The following TEK variants were observed in gnomAD, a reference collection of about 807,000 sequenced individuals.
TEK encodes the protein TEK receptor tyrosine kinase.
In TEK, 43 loss-of-function variants were observed where a neutral mutation model predicts 131.8. The ratio of observed to expected loss-of-function variants is 0.33; its 90% CI spans 0.26 to 0.42. The LOEUF (loss-of-function observed/expected upper bound fraction) is 0.42, where lower values mean the gene tolerates loss of function less well. Among genes scored for constraint, TEK ranks in the 10% least tolerant of loss-of-function variants. The pLI is 1.00. For synonymous variants in TEK, 580 were observed against 491.6 expected (o/e 1.18, Z -2.38); for missense variants, 1,162 against 1,384.4 (o/e 0.84, Z 2.55).
At chr9:27,183,942 A>G (rs1459525292) in intron 8 of TEK, among the ~76,000 whole-genome samples, 2 of 152,172 alleles carry the variant, frequency 1.3e-5, no homozygotes, top group South Asian at 4.1e-4. Flanking sequence ...TTGCTCTCGC[A>G]GTGTCCCCAT....
chr9:27,165,705 A>C (rs1823704075), intron 2 of TEK, among the ~76,000 whole-genome samples: 1 of 152,322 alleles, frequency 6.6e-6, no homozygotes, highest in East Asian at 1.9e-4. Flanking sequence ...AGCAGCTTTC[A>C]AAAAGGGTGG....
chr9:27,137,572 G>A (rs1157626128), intron 1 of TEK, among the ~76,000 whole-genome samples: 1 of 151,954 alleles, frequency 6.6e-6, no homozygotes, highest in East Asian at 1.9e-4. Context: ...TACTTTTTGA[G>A]TTCAACTTTA....
At position 27,217,770 on chromosome 9, in the gene TEK, T is replaced by G; in HGVS notation, c.3062+12T>G. The G allele has an allele frequency of 6.4e-7, 1 of 1,572,482 alleles. No homozygotes were observed. Among genetic ancestry groups the G allele is most frequent in the Non-Finnish European group, 8.6e-7 (1 of 1,166,690 alleles). ...ACCAACAGTGATGTGTGAGTAAACT[T>G]CTTATTGCCAAGGGATTTTTTTTCC... On this transcript the variant is annotated intron_variant, in intron 19 of 22. Transcript: ENST00000380036.
At chr9:27,157,749 C>T in intron 1 of TEK, 82 bp from the exon 2 acceptor site, 2 of 1,472,710 alleles carry the variant, frequency 1.4e-6, no homozygotes, top group South Asian at 1.1e-5. Flanking sequence ...AACTTTAAGA[C>T]AAGGCTTTGT....
intron 11 of TEK, among the ~76,000 whole-genome samples, chr9:27,194,998 C>G (rs73427148): frequency 0.037 from 5,646 of 152,124 alleles, 310 homozygotes; most frequent in African/African-American, 0.13. Context: ...TTGAGTTACT[C>G]TTCTGTACCA....
chr9:27,204,620 T>C (rs536825973), intron 13 of TEK, among the ~76,000 whole-genome samples: 1 of 152,294 alleles, frequency 6.6e-6, no homozygotes, highest in Non-Finnish European at 1.5e-5. Context: ...CTTGGGATTC[T>C]ACTTGGAAAT....
chr9:27,183,501 A>G lies in TEK; in HGVS notation c.1073A>G (p.His358Arg), dbSNP rs1403618103. 6 of 1,613,942 alleles carry G rather than the reference A, an allele frequency of 3.7e-6. No homozygotes were observed. The highest frequency in any genetic ancestry group is 4.5e-5 in the East Asian group (2 of 44,880). Residue 358 changes from histidine to arginine, a missense_variant, in exon 8 of 23, where the codon CAT (histidine) becomes CGT (arginine). Physicochemically the swap from His to Arg is conservative, Grantham distance 29. Around this residue, in one of 6 missense-constraint regions of TEK, gnomAD observed 436 missense variants for 539.1 expected, o/e 0.81. Coordinates refer to ENST00000380036, the MANE Select transcript of TEK (RefSeq NM_000459.5). ...MTPKIVDLPD[H>R]IEVNSGKFNP... ...CCAAAGATAGTGGATTTGCCAGATCATATAGAAGTAAACAGTGGTAAATTT... is the reference window on the plus strand; with the variant it reads ...CCAAAGATAGTGGATTTGCCAGATCGTATAGAAGTAAACAGTGGTAAATTT...
At chr9:27,156,219 A>C (rs1012349415) in intron 1 of TEK, among the ~76,000 whole-genome samples, 1 of 151,914 alleles carries the variant, frequency 6.6e-6, no homozygotes, top group African/African-American at 2.4e-5. Flanking sequence ...TCATCCATAC[A>C]CTCATCCAAC....
intron 1 of TEK, among the ~76,000 whole-genome samples, chr9:27,123,052 CAAAAAAAAAAAAA>C (rs10700803): frequency 1.2e-4 from 4 of 34,712 alleles, no homozygotes; most frequent in African/African-American, 1.4e-4. Context: ...GACTCTGTCT[CAAAAAAAAAAAAA>C]AAAAAAAAAA....
At chr9:27,151,233 A>G (rs1823116621) in intron 1 of TEK, among the ~76,000 whole-genome samples, 1 of 152,208 alleles carries the variant, frequency 6.6e-6, no homozygotes, top group Non-Finnish European at 1.5e-5. Context: ...AGAATAAAAA[A>G]GGATTAAAGT....
intron 2 of TEK, among the ~76,000 whole-genome samples, chr9:27,160,010 GTTTTT>G (rs563961610): frequency 0.026 from 2,234 of 84,314 alleles, 91 homozygotes; most frequent in African/African-American, 0.099. Flanking sequence ...GCTGTTTAGG[GTTTTT>G]TTTTTTTTTT....
chr9:27,146,823 G>C (rs9886811), intron 1 of TEK, among the ~76,000 whole-genome samples: 2 of 148,536 alleles, frequency 1.3e-5, no homozygotes, highest in African/African-American at 5.0e-5. Flanking sequence ...TCCGCCTCCC[G>C]GGTTCACGCC....
At chr9:27,224,624 T>C (rs1053209083) in intron 21 of TEK, among the ~76,000 whole-genome samples, 8 of 152,126 alleles carry the variant, frequency 5.3e-5, no homozygotes, top group African/African-American at 1.9e-4. Flanking sequence ...TTAAGAGCTG[T>C]TTATGACAAA....
intron 1 of TEK, among the ~76,000 whole-genome samples, chr9:27,123,045 T>A (rs1587481677): frequency 1.2e-5 from 1 of 85,788 alleles, no homozygotes; most frequent in Admixed American, 1.3e-4. Context: ...AGAGCGAGAC[T>A]CTGTCTCAAA....
At chr9:27,167,476 C>T (rs1040407153) in intron 2 of TEK, among the ~76,000 whole-genome samples, 10 of 152,270 alleles carry the variant, frequency 6.6e-5, no homozygotes, top group Admixed American at 2.6e-4. Flanking sequence ...GATCTGTCTA[C>T]GGTGGCATCC....
chr9:27,176,114 G>A (rs983784037), intron 6 of TEK, among the ~76,000 whole-genome samples: 1 of 152,170 alleles, frequency 6.6e-6, no homozygotes, highest in African/African-American at 2.4e-5. Context: ...CCAAAAAGCA[G>A]TAGGAAAGCA....
chr9:27,151,315 T>C (rs1029922745), intron 1 of TEK, among the ~76,000 whole-genome samples: 2 of 151,962 alleles, frequency 1.3e-5, no homozygotes, highest in Admixed American at 1.3e-4. Context: ...GAAAATACTT[T>C]AACATAAGGG....
At position 27,229,524 on chromosome 9, in the gene TEK, G is replaced by T; in HGVS notation, c.*292G>T. ...ATGTGGACTTCATAGGAAGGCGTGA[G>T]TACAATTAGTATAATGCATAACTCA... is the stretch of plus-strand genomic sequence containing the variant. On this transcript the variant is annotated 3_prime_UTR_variant, in exon 23 of 23. Coordinates refer to ENST00000380036, the MANE Select transcript of TEK (RefSeq NM_000459.5). The T allele has an allele frequency of 2.3e-6, 1 of 436,066 alleles. No individual in the cohort carries two copies. Among genetic ancestry groups the T allele is most frequent in the Non-Finnish European group, 4.2e-6 (1 of 236,248 alleles). 27.0% of individuals were successfully genotyped at this position (436,066 alleles called of 1,614,324 possible).
chr9:27,153,730 A>G (rs1823218876), intron 1 of TEK, among the ~76,000 whole-genome samples: 1 of 152,200 alleles, frequency 6.6e-6, no homozygotes, highest in Non-Finnish European at 1.5e-5. Context: ...ATGAGCCCAG[A>G]TAGGATCTGT....
Sources: allele counts gnomAD v4.1 joint callset (sites outside exome capture counted in the v4.1 genomes callset), GRCh38; gene constraint gnomAD v4.1.1; regional missense constraint gnomAD v4.1.1; transcripts MANE v1.5; gene names NCBI Gene and HGNC (gene_info 2026-07-23, HGNC 2026-07-21).